Variants in SFMBT2 observed in about 807,000 individuals in gnomAD.
The protein encoded by SFMBT2 is scm-like with four MBT domains protein 2.
A neutral mutation model predicts 110.1 loss-of-function variants in SFMBT2; 38 were observed. That is an observed-to-expected ratio of 0.35 (90% confidence interval 0.27 to 0.45). The LOEUF (loss-of-function observed/expected upper bound fraction) is 0.45, where lower values mean the gene tolerates loss of function less well. Ranked by LOEUF, SFMBT2 falls within the 20% of genes least tolerant of loss-of-function variation. The probability of loss-of-function intolerance (pLI) is 1.00; values close to 1 mark genes in which losing one functional copy is unlikely to be tolerated. For synonymous variants in SFMBT2, 425 were observed against 425.4 expected (o/e 1.00, Z 0.01); for missense variants, 1,011 against 1,094.9 (o/e 0.92, Z 1.08).
chr10:7,363,268 C>T (rs1844782466), intron 4 of SFMBT2, among the ~76,000 whole-genome samples: 1 of 152,126 alleles, frequency 6.6e-6, no homozygotes, highest in South Asian at 2.1e-4. Flanking sequence ...GTAAGACGTG[C>T]CTTTGCTCCT....
At chr10:7,174,841 C>T (rs192858556) in intron 17 of SFMBT2, among the ~76,000 whole-genome samples, 94 of 152,322 alleles carry the variant, frequency 6.2e-4, no homozygotes, top group Non-Finnish European at 1.3e-3. Context: ...AACACACCTG[C>T]GGGCCCTACC....
At chr10:7,285,816 G>A (rs372457853) in intron 5 of SFMBT2, 50 bp downstream of exon 5, 323 of 847,406 alleles carry the variant, frequency 3.8e-4, no homozygotes, top group Middle Eastern at 3.4e-3. Flanking sequence ...CTGAGCTCAC[G>A]TAACTGGGGT....
Position 7,161,071 on chromosome 10 carries a change from C to A in SFMBT2, c.*2699G>T, listed in dbSNP as rs1001208075. 3 of 152,288 alleles carry A rather than the reference C, an allele frequency of 2.0e-5. No individual in the cohort carries two copies. In the East Asian group the frequency reaches 5.8e-4, roughly 29 times the overall value. 9.4% of individuals were successfully genotyped at this position (152,288 alleles called of 1,614,324 possible). ...TGGTGACCGCAACTGCACAGAGAAACGCTGAAGTTAAACTGTCAGGGTGAA... is the reference window on the plus strand; with the variant it reads ...TGGTGACCGCAACTGCACAGAGAAAAGCTGAAGTTAAACTGTCAGGGTGAA... On this transcript the variant is annotated 3_prime_UTR_variant, in exon 21 of 21. Transcript: ENST00000397167.
At chr10:7,366,805 T>C (rs1207446053) in intron 4 of SFMBT2, among the ~76,000 whole-genome samples, 2 of 152,230 alleles carry the variant, frequency 1.3e-5, no homozygotes, top group Non-Finnish European at 2.9e-5. Context: ...AGGCTGAGCC[T>C]GGTAATTATT....
intron 4 of SFMBT2, chr10:7,286,387 G>A (rs1416685165): frequency 4.1e-6 from 4 of 976,964 alleles, no homozygotes; most frequent in Non-Finnish European, 4.9e-6. Context: ...GAAGGAATTT[G>A]CAGAGAAATG....
At chr10:7,258,266 T>A (rs982831314) in intron 7 of SFMBT2, among the ~76,000 whole-genome samples, 4 of 152,150 alleles carry the variant, frequency 2.6e-5, no homozygotes, top group African/African-American at 9.7e-5. Context: ...AGTTCCACAA[T>A]CAAAAGCTGC....
At chr10:7,309,153 T>C (rs567602054) in intron 4 of SFMBT2, among the ~76,000 whole-genome samples, 2 of 152,368 alleles carry the variant, frequency 1.3e-5, no homozygotes, top group South Asian at 2.1e-4. Flanking sequence ...GTCATGTGGA[T>C]AGACCTCATC....
At chr10:7,271,455 G>A (rs1385601218) in intron 7 of SFMBT2, among the ~76,000 whole-genome samples, 9 of 152,136 alleles carry the variant, frequency 5.9e-5, no homozygotes, top group Non-Finnish European at 8.8e-5. Flanking sequence ...GAGCTTCAAA[G>A]TTAGGCAAAA....
At chr10:7,388,988 G>T (rs1237140745) in intron 1 of SFMBT2, among the ~76,000 whole-genome samples, 3 of 152,200 alleles carry the variant, frequency 2.0e-5, no homozygotes, top group African/African-American at 7.2e-5. Flanking sequence ...GAGAAGAAAT[G>T]AAGGGAACAG....
intron 11 of SFMBT2, among the ~76,000 whole-genome samples, chr10:7,211,646 C>T (rs971510594): frequency 5.9e-5 from 9 of 152,154 alleles, no homozygotes; most frequent in Non-Finnish European, 1.0e-4. Flanking sequence ...AATACTGTTG[C>T]TGTATTCTCA....
chr10:7,334,457 G>C (rs1843656836), intron 4 of SFMBT2, among the ~76,000 whole-genome samples: 1 of 152,144 alleles, frequency 6.6e-6, no homozygotes, highest in African/African-American at 2.4e-5. Context: ...TACCAAAATG[G>C]AACAATACAG....
intron 1 of SFMBT2, among the ~76,000 whole-genome samples, chr10:7,401,383 G>A (rs1846078822): frequency 6.6e-6 from 1 of 152,152 alleles, no homozygotes; most frequent in African/African-American, 2.4e-5. Flanking sequence ...GGACACAACA[G>A]GATTCAACCC....
At chr10:7,242,353 C>T (rs577529624) in intron 9 of SFMBT2, among the ~76,000 whole-genome samples, 1 of 152,304 alleles carries the variant, frequency 6.6e-6, no homozygotes, top group East Asian at 1.9e-4. Flanking sequence ...CTGGAGTCCT[C>T]ACCGCTACCA....
In SFMBT2 at chr10:7,228,738, TTCTCTCTCTCTCTCTCTCTCTC is replaced by T. The variant is rs56871421; in HGVS notation, c.1121-823_1121-802del. On this transcript the variant is annotated intron_variant, in intron 9 of 20. Coordinates refer to ENST00000397167, the MANE Select transcript of SFMBT2 (RefSeq NM_001387889.1). ...TTCTTTCTTTCTTTCTTTCTTTCCTTTCTCTCTCTCTCTCTCTCTCTCTCTCTCTCTCTCTCTCTCTCTCCCC... is the reference window on the plus strand; with the variant it reads ...TTCTTTCTTTCTTTCTTTCTTTCCTTTCTCTCTCTCTCTCTCTCTCTCCCC... Among the ~76,000 whole-genome samples the T allele has an allele frequency of 1.3e-3, 84 of 62,546 alleles. 1 individual carries two copies. Among genetic ancestry groups the T allele is most frequent in the South Asian group, 3.4e-3 (6 of 1,742 alleles). The allele number at this position is 62,546 out of a possible 152,430, so 41.0% of individuals were successfully genotyped here. A position where few individuals can be genotyped will look rare whatever the true frequency, so the allele number is the denominator to read the frequency against.
chr10:7,240,762 TAA>T (rs1840402365), intron 9 of SFMBT2, among the ~76,000 whole-genome samples: 2 of 152,206 alleles, frequency 1.3e-5, no homozygotes, highest in African/African-American at 4.8e-5. Context: ...CTTATTATGA[TAA>T]GTTTGCCCAA....
At chr10:7,352,228 G>A (rs932939582) in intron 4 of SFMBT2, among the ~76,000 whole-genome samples, 11 of 152,194 alleles carry the variant, frequency 7.2e-5, no homozygotes, top group South Asian at 2.1e-4. Flanking sequence ...ATCCACAGGC[G>A]GATTCTCCCA....
At chr10:7,223,401 T>A (rs777266014) in intron 10 of SFMBT2, among the ~76,000 whole-genome samples, 8 of 152,186 alleles carry the variant, frequency 5.3e-5, no homozygotes, top group Non-Finnish European at 1.0e-4. Flanking sequence ...CTGAGCATGT[T>A]TTTTTGTGAT....
intron 1 of SFMBT2, among the ~76,000 whole-genome samples, chr10:7,385,270 G>A (rs754006170): frequency 6.6e-6 from 1 of 152,212 alleles, no homozygotes; most frequent in Admixed American, 6.5e-5. Context: ...TGAGATGACA[G>A]GATCACGTGG....
chr10:7,246,447 G>A (rs1456509086), intron 8 of SFMBT2, among the ~76,000 whole-genome samples: 4 of 150,124 alleles, frequency 2.7e-5, no homozygotes, highest in Non-Finnish European at 4.5e-5. Flanking sequence ...GAGGCCGGGT[G>A]CAGTGGCTCA....
Sources: gnomAD v4.1 joint callset for allele counts (sites outside exome capture counted in the v4.1 genomes callset) on GRCh38, gnomAD v4.1.1 for gene constraint, MANE v1.5 for transcripts, NCBI Gene and HGNC (gene_info 2026-07-23, HGNC 2026-07-21) for gene names.